Variants in PRRX1 observed in about 807,000 individuals in gnomAD.
The protein encoded by PRRX1 is paired mesoderm homeobox protein 1.
A neutral mutation model predicts 24.0 loss-of-function variants in PRRX1; 8 were observed. The ratio of observed to expected loss-of-function variants is 0.33; its 90% CI spans 0.20 to 0.60. The LOEUF (loss-of-function observed/expected upper bound fraction) is 0.60, where lower values mean the gene tolerates loss of function less well. Ranked by LOEUF, PRRX1 falls within the 20% of genes least tolerant of loss-of-function variation. The pLI is 0.82. For synonymous variants in PRRX1, 160 were observed against 131.7 expected, an observed-to-expected ratio of 1.22 and a Z score of -1.47; for missense variants, 281 against 322.4, an observed-to-expected ratio of 0.87 and a Z score of 0.98.
chr1:170,696,043 A>G (rs1391119342), intron 1 of PRRX1, among the ~76,000 whole-genome samples: 1 of 152,196 alleles, frequency 6.6e-6, no homozygotes, highest in African/African-American at 2.4e-5. Flanking sequence ...AGCAGTAGAC[A>G]TGTCCAAAGA....
At chr1:170,727,091 T>TTG (rs1255692909) in intron 3 of PRRX1, 1 of 152,068 alleles carries the variant, frequency 6.6e-6, no homozygotes, top group African/African-American at 2.4e-5. Context: ...TTGTGTGTAT[T>TTG]TGTGTGTGTG....
chr1:170,675,293 T>A (rs1329579663), intron 1 of PRRX1, among the ~76,000 whole-genome samples: 1 of 152,194 alleles, frequency 6.6e-6, no homozygotes, highest in Non-Finnish European at 1.5e-5. Flanking sequence ...AAAGCCTGCG[T>A]AATACCTAAA....
chr1:170,668,379 G>A (rs909494850), intron 1 of PRRX1: 4 of 152,182 alleles, frequency 2.6e-5, no homozygotes, highest in Admixed American at 6.6e-5. Context: ...AAACCAGATT[G>A]TCCTAATAAG....
chr1:170,689,366 T>G (rs541366970), intron 1 of PRRX1, among the ~76,000 whole-genome samples: 2 of 152,280 alleles, frequency 1.3e-5, no homozygotes, highest in East Asian at 3.9e-4. Context: ...TATCTCAGGC[T>G]AAATGATATC....
chr1:170,663,204 G>T (rs965245035), upstream of PRRX1: 1 of 152,222 alleles, frequency 6.6e-6, no homozygotes, highest in Non-Finnish European at 1.5e-5. Context: ...GAAGGAGATT[G>T]TGATGGAGAA....
At chr1:170,723,773 AG>A (rs2101920520) in intron 2 of PRRX1, among the ~76,000 whole-genome samples, 1 of 152,338 alleles carries the variant, frequency 6.6e-6, no homozygotes, top group East Asian at 1.9e-4. Flanking sequence ...CTGCACACCT[AG>A]GCTATAGGGT....
intron 1 of PRRX1, among the ~76,000 whole-genome samples, chr1:170,694,002 G>A (rs1005358133): frequency 2.6e-5 from 4 of 151,912 alleles, no homozygotes; most frequent in Non-Finnish European, 5.9e-5. Flanking sequence ...AGCAAAGAGA[G>A]GCTTAGTTTT....
intron 3 of PRRX1, 106 bp from the exon 4 acceptor site, chr1:170,735,942 C>T (rs1558065763): frequency 6.7e-7 from 1 of 1,486,220 alleles, no homozygotes; most frequent in Non-Finnish European, 9.4e-7. Context: ...CAAGCCATTG[C>T]CCCTGCCTGC....
intron 1 of PRRX1, among the ~76,000 whole-genome samples, chr1:170,688,335 G>A (rs566993267): frequency 9.9e-5 from 15 of 151,866 alleles, no homozygotes; most frequent in Non-Finnish European, 1.8e-4. Context: ...GAAAATTAAG[G>A]TATCTATTTT....
intron 1 of PRRX1, among the ~76,000 whole-genome samples, chr1:170,707,287 A>G (rs1235273765): frequency 6.6e-6 from 1 of 152,218 alleles, no homozygotes; most frequent in Non-Finnish European, 1.5e-5. Flanking sequence ...CACTACAACT[A>G]AAAAGCCCTA....
At chr1:170,713,381 T>C (rs956124749) in intron 1 of PRRX1, among the ~76,000 whole-genome samples, 1 of 152,212 alleles carries the variant, frequency 6.6e-6, no homozygotes, top group Non-Finnish European at 1.5e-5. Context: ...GGGGTTCTGA[T>C]CAATAATCCT....
intron 1 of PRRX1, among the ~76,000 whole-genome samples, chr1:170,717,592 G>A (rs1250387392): frequency 6.6e-6 from 1 of 151,932 alleles, no homozygotes; most frequent in African/African-American, 2.4e-5. Flanking sequence ...ACAAAGTACA[G>A]AAGCTAAGGA....
chr1:170,663,190 G>A (rs1243437402), upstream of PRRX1: 4 of 152,198 alleles, frequency 2.6e-5, no homozygotes, highest in East Asian at 7.7e-4. Context: ...AGGGAAAGGA[G>A]GAAGAAGGAG....
intron 1 of PRRX1, among the ~76,000 whole-genome samples, chr1:170,671,303 G>A (rs1421624061): frequency 6.6e-6 from 1 of 152,200 alleles, no homozygotes; most frequent in Admixed American, 6.5e-5. Context: ...GTTGTGGAAT[G>A]GGTGGAAGAG....
chr1:170,677,685 G>A (rs962743291), intron 1 of PRRX1, among the ~76,000 whole-genome samples: 8 of 151,988 alleles, frequency 5.3e-5, no homozygotes, highest in South Asian at 2.1e-4. Context: ...TACTTATACC[G>A]CCACACCATG....
At chr1:170,708,806 T>C (rs1424530939) in intron 1 of PRRX1, among the ~76,000 whole-genome samples, 1 of 152,180 alleles carries the variant, frequency 6.6e-6, no homozygotes, top group Non-Finnish European at 1.5e-5. Context: ...AGAAAGTGCA[T>C]GAGAAACCTG....
At chr1:170,670,931 C>T (rs1442620764) in intron 1 of PRRX1, among the ~76,000 whole-genome samples, 3 of 152,176 alleles carry the variant, frequency 2.0e-5, no homozygotes, top group African/African-American at 7.2e-5. Context: ...GCCCAGAATA[C>T]ATTCGTCTGG....
chr1:170,734,315 A>G (rs1472285711), intron 3 of PRRX1, among the ~76,000 whole-genome samples: 2 of 151,646 alleles, frequency 1.3e-5, no homozygotes, highest in African/African-American at 2.4e-5. Context: ...CACACTATAT[A>G]TAGATATTTC....
intron 3 of PRRX1, among the ~76,000 whole-genome samples, chr1:170,731,631 T>A (rs1445078724): frequency 7.2e-6 from 1 of 139,566 alleles, no homozygotes; most frequent in African/African-American, 3.3e-5. Flanking sequence ...TTTTAACACA[T>A]TTTTTTTTCC....
Sources: gnomAD v4.1 joint callset for allele counts (sites outside exome capture counted in the v4.1 genomes callset) on GRCh38, gnomAD v4.1.1 for gene constraint, MANE v1.5 for transcripts, NCBI Gene and HGNC (gene_info 2026-07-23, HGNC 2026-07-21) for gene names.